ASDURF: variants seen among roughly 807,000 people sequenced by gnomAD.
The protein encoded by ASDURF is ASNSD1 upstream open reading frame, also known as ASDURF protein.
A neutral mutation model predicts 3.3 loss-of-function variants in ASDURF; 3 were observed. That is an observed-to-expected ratio of 0.92 (90% CI 0.42 to 2.37). The LOEUF (loss-of-function observed/expected upper bound fraction) is 2.37. Ranked by LOEUF, ASDURF falls within the 30% of genes most tolerant of loss-of-function variation. The pLI, the probability that ASDURF is intolerant of heterozygous loss-of-function variation, is 0.05. For synonymous variants in ASDURF, 11 were observed against 8.3 expected, an observed-to-expected ratio of 1.32 and a Z score of -0.55; for missense variants, 23 against 25.4, an observed-to-expected ratio of 0.90 and a Z score of 0.21.
chr2:189,665,692 A>G (rs10931429), intron 3 of ASDURF, among the ~76,000 whole-genome samples: 139,974 of 141,690 alleles, frequency 0.99, 69,174 homozygotes, highest in East Asian at 1. Flanking sequence ...GTGCTTTAGA[A>G]TTTTAAACAG....
chr2:189,665,026 T>C (rs2032754053), intron 2 of ASDURF, among the ~76,000 whole-genome samples: 1 of 152,220 alleles, frequency 6.6e-6, no homozygotes, highest in African/African-American at 2.4e-5. Flanking sequence ...TATATAGCAG[T>C]AGGTATAATT....
chr2:189,663,290 G>A (rs1368955566), intron 1 of ASDURF, among the ~76,000 whole-genome samples: 1 of 151,330 alleles, frequency 6.6e-6, no homozygotes, highest in African/African-American at 2.4e-5. Context: ...TTTCACTCTT[G>A]TTGCCCAGGC....
chr2:189,666,086 T>C lies in ASDURF; in HGVS notation c.266T>C (p.Leu89Ser), dbSNP rs775216700. ...LKKEYQEIEN[L>S]DKTKIKK is the part of the protein sequence containing the mutation. ...AAAGAATACCAAGAAATAGAAAACT[T>C]AGACAAGACCAAAATCAAGAAATAG... is the stretch of plus-strand genomic sequence containing the variant. The change falls in exon 4 of 4, where the codon TTA becomes TCA. Residue 89 changes from leucine to serine, a missense_variant. Leu to Ser is a moderately radical substitution (Grantham distance 145, BLOSUM62 -2). Transcript: ENST00000607829. 4.7e-6 allele frequency: 7 copies of C among 1,487,848 alleles called. No individual in the cohort carries two copies. In the South Asian group the frequency reaches 1.0e-4, roughly 22 times the overall value. 92.2% of individuals were successfully genotyped at this position (1,487,848 alleles called of 1,614,324 possible).
In ASDURF at chr2:189,663,944, A is replaced by G. The variant is rs2032730325; in HGVS notation, c.134A>G (p.Lys45Arg). ...KIVVDELSNL[K>R]KNRKVYRQQQ... ...GTGGTGGATGAACTTTCTAACCTTAAGAAGAATAGGGTGAGTTATTATAGG... is the reference window on the plus strand; with the variant it reads ...GTGGTGGATGAACTTTCTAACCTTAGGAAGAATAGGGTGAGTTATTATAGG... Residue 45 changes from lysine (K) to arginine (R), a missense_variant, in exon 2 of 4, where the codon AAG (lysine) becomes AGG (arginine). Physicochemically the swap from Lys to Arg is conservative, Grantham distance 26. Coordinates refer to ENST00000607829, the MANE Select transcript of ASDURF (RefSeq NM_001353493.2). The G allele has an allele frequency of 5.2e-6, 2 of 388,278 alleles. No individual in the cohort carries two copies. Among genetic ancestry groups the G allele is most frequent in the Non-Finnish European group, 9.1e-6 (2 of 218,692 alleles). The allele number at this position is 388,278 out of a possible 1,614,324, so 24.1% of individuals were successfully genotyped here. A position where few individuals can be genotyped will look rare whatever the true frequency, so the allele number is the denominator to read the frequency against.
chr2:189,663,540 A>G (rs2032719758), intron 1 of ASDURF, among the ~76,000 whole-genome samples: 1 of 152,210 alleles, frequency 6.6e-6, no homozygotes. Context: ...GGCATGAGCC[A>G]CCGCACCCGG....
intron 3 of ASDURF, 58 bp downstream of exon 3, chr2:189,665,509 G>C (rs2032764769): frequency 5.2e-6 from 2 of 385,930 alleles, no homozygotes; most frequent in Non-Finnish European, 4.6e-6. Context: ...TCATCTGAGT[G>C]TTAAAATATA....
chr2:189,662,032 C>G (rs1156746521), intron 1 of ASDURF, among the ~76,000 whole-genome samples: 1 of 152,168 alleles, frequency 6.6e-6, no homozygotes, highest in Non-Finnish European at 1.5e-5. Flanking sequence ...TCAAATATGT[C>G]CCTTTATCAC....
intron 2 of ASDURF, among the ~76,000 whole-genome samples, 185 bp from the exon 3 acceptor site, chr2:189,665,191 A>T (rs1333943824): frequency 6.6e-6 from 1 of 152,142 alleles, no homozygotes; most frequent in African/African-American, 2.4e-5. Context: ...AAATAGTTTC[A>T]TTTCAGTAGT....
intron 2 of ASDURF, among the ~76,000 whole-genome samples, 191 bp from the exon 3 acceptor site, chr2:189,665,185 A>G (rs1419978313): frequency 6.6e-6 from 1 of 152,166 alleles, no homozygotes; most frequent in African/African-American, 2.4e-5. Flanking sequence ...GAGAGAAAAT[A>G]GTTTCATTTC....
In ASDURF at chr2:189,666,125, A is replaced by G; in HGVS notation, c.*14A>G. 1 of 1,530,162 alleles carries G rather than the reference A, an allele frequency of 6.5e-7. No individual in the cohort carries two copies. Among genetic ancestry groups the G allele is most frequent in the African/African-American group, 1.4e-5 (1 of 72,228 alleles). The allele number at this position is 1,530,162 out of a possible 1,614,324, so 94.8% of individuals were successfully genotyped here. ...ATCAAGAAATAGTCAACCTGATTTC[A>G]CATAACAATGTGTGGCATTTGTTGT... On this transcript the variant is annotated 3_prime_UTR_variant, in exon 4 of 4. Transcript: ENST00000607829.
intron 1 of ASDURF, among the ~76,000 whole-genome samples, chr2:189,662,756 T>A (rs1032747597): frequency 6.6e-6 from 1 of 151,994 alleles, no homozygotes; most frequent in Non-Finnish European, 1.5e-5. Flanking sequence ...AAAAAGAAAC[T>A]TAGTTTTCAC....
chr2:189,666,350 T>C lies in ASDURF; in HGVS notation c.*239T>C, dbSNP rs2032803971. On this transcript the variant is annotated 3_prime_UTR_variant, in exon 4 of 4. Coordinates refer to ENST00000607829, the MANE Select transcript of ASDURF (RefSeq NM_001353493.2). ...GTGGAAGATGAAAGAGGCAATGTGTTTCTATGGAATGGAGAAATTTTTAGT... is the reference window on the plus strand; with the variant it reads ...GTGGAAGATGAAAGAGGCAATGTGTCTCTATGGAATGGAGAAATTTTTAGT... The C allele has an allele frequency of 6.2e-7, 1 of 1,613,780 alleles. No individual in the cohort carries two copies. The highest frequency in any genetic ancestry group is 1.3e-5 in the African/African-American group (1 of 74,920).
intron 2 of ASDURF, 101 bp downstream of exon 2, chr2:189,664,055 A>C (rs1475238234): frequency 2.9e-6 from 1 of 342,780 alleles, no homozygotes; most frequent in Non-Finnish European, 5.3e-6. Context: ...ATCATACTTT[A>C]ATAAAATGTA....
chr2:189,661,653 G>A (rs1014104874), intron 1 of ASDURF, 43 bp downstream of exon 1: 4 of 399,220 alleles, frequency 1.0e-5, no homozygotes, highest in Non-Finnish European at 1.8e-5. Context: ...ACTCGGGACC[G>A]GGCGCCACTG....
At position 189,661,601 on chromosome 2, in the gene ASDURF, A is replaced by G. The variant is rs746653270; in HGVS notation, c.81A>G (p.Leu27=). Residue 27 remains leucine (L), a synonymous_variant, in exon 1 of 4, where the codon CTA becomes CTG. Transcript: ENST00000607829. Reference sequence around the variant, plus strand: ...ATTCGACCCCACACAAGGAGGATCTAAGCAGCAAGGTGAGTGTGAGACGCG... The same window carrying G: ...ATTCGACCCCACACAAGGAGGATCTGAGCAGCAAGGTGAGTGTGAGACGCG... The part of the protein sequence containing the change: ...TDNSTPHKED[L]SSKIKEQKIV... The G allele has an allele frequency of 5.1e-4, 205 of 399,222 alleles. 1 individual carries two copies. The highest frequency in any genetic ancestry group is 7.5e-4 in the Non-Finnish European group (169 of 226,320). The allele number at this position is 399,222 out of a possible 1,614,324, so 24.7% of individuals were successfully genotyped here. A position where few individuals can be genotyped will look rare whatever the true frequency, so the allele number is the denominator to read the frequency against.
chr2:189,665,626 A>ATATG (rs1254997673), intron 3 of ASDURF, among the ~76,000 whole-genome samples, 175 bp downstream of exon 3: 2 of 122,462 alleles, frequency 1.6e-5, no homozygotes, highest in African/African-American at 3.3e-5. Flanking sequence ...ATATATATAT[A>ATATG]TATATATATA....
intron 1 of ASDURF, among the ~76,000 whole-genome samples, chr2:189,663,389 G>GAGGATAT (rs2032715455): frequency 6.6e-6 from 1 of 152,052 alleles, no homozygotes; most frequent in Non-Finnish European, 1.5e-5. Context: ...GAATAGCTGG[G>GAGGATAT]ATTACAGGCA....
rs186608877 is a variant in ASDURF, at chr2:189,662,506, A to G, written c.90+896A>G. Reference sequence around the variant, plus strand: ...TTTACAAATTTGGCCTTGGAATTCAACCTCATTACTACAGCTCTGCCAACG... The same window carrying G: ...TTTACAAATTTGGCCTTGGAATTCAGCCTCATTACTACAGCTCTGCCAACG... On this transcript the variant is annotated intron_variant, in intron 1 of 3. Coordinates refer to ENST00000607829, the MANE Select transcript of ASDURF (RefSeq NM_001353493.2). Among the ~76,000 whole-genome samples the G allele has an allele frequency of 1.4e-3, 211 of 152,258 alleles. 2 individuals carry two copies. The highest frequency in any genetic ancestry group is 5.0e-3 in the African/African-American group (208 of 41,544).
chr2:189,661,476 C>G lies in ASDURF; in HGVS notation c.-45C>G, dbSNP rs1471344055. The G allele has an allele frequency of 2.5e-6, 1 of 399,190 alleles. No individual in the cohort carries two copies. The highest frequency in any genetic ancestry group is 3.6e-5 in the East Asian group (1 of 28,078). 24.7% of individuals were successfully genotyped at this position (399,190 alleles called of 1,614,324 possible). A position where few individuals can be genotyped will look rare whatever the true frequency, so the allele number is the denominator to read the frequency against. The stretch of plus-strand genomic sequence containing the variant: ...CATGCGCTGTGGCTAATGCCGTAGG[C>G]TCCTTCAGGGCTGAGCCATCCCGCG... On this transcript the variant is annotated 5_prime_UTR_variant, in exon 1 of 4. Coordinates refer to ENST00000607829, the MANE Select transcript of ASDURF (RefSeq NM_001353493.2).
Sources: allele counts gnomAD v4.1 joint callset (sites outside exome capture counted in the v4.1 genomes callset), GRCh38; gene constraint gnomAD v4.1.1; transcripts MANE v1.5; gene names NCBI Gene and HGNC (gene_info 2026-07-23, HGNC 2026-07-21).